Variants in CRADD observed in about 807,000 individuals in gnomAD.
The protein encoded by CRADD is CARD and death domain containing adaptor protein, also known as death domain-containing protein CRADD.
Under a neutral mutation model 15.5 loss-of-function variants are expected in CRADD, and 9 were observed. The observed-to-expected ratio is 0.58, with a 90% confidence interval of 0.35 to 1.01. CRADD has a LOEUF of 1.01. Ranked by LOEUF, CRADD falls within the 50% of genes least tolerant of loss-of-function variation. The pLI is 0.02. For missense variants in CRADD, 227 were observed against 250.3 expected (o/e 0.91, Z 0.63); for synonymous variants, 118 against 107.6 (o/e 1.10, Z -0.60).
intron 2 of CRADD, among the ~76,000 whole-genome samples, chr12:93,715,944 T>A (rs1956154834): frequency 6.6e-6 from 1 of 151,946 alleles, no homozygotes; most frequent in Admixed American, 6.6e-5. Context: ...GAGTTCGAGA[T>A]TAGCTTGGCC....
At chr12:93,819,898 A>T (rs1438123701) in intron 2 of CRADD, among the ~76,000 whole-genome samples, 1 of 152,258 alleles carries the variant, frequency 6.6e-6, no homozygotes, top group Admixed American at 6.5e-5. Context: ...TCTCTAACTC[A>T]GACCCATGTG....
intron 2 of CRADD, among the ~76,000 whole-genome samples, chr12:93,766,374 A>T (rs1957027257): frequency 6.6e-6 from 1 of 152,172 alleles, no homozygotes; most frequent in Admixed American, 6.5e-5. Flanking sequence ...TCCTTTAGTG[A>T]TGAGAATGTA....
chr12:93,755,194 A>C (rs1042799364), intron 2 of CRADD, among the ~76,000 whole-genome samples: 1 of 152,166 alleles, frequency 6.6e-6, no homozygotes, highest in African/African-American at 2.4e-5. Flanking sequence ...ACCTCCCACC[A>C]GGTCCCTCCC....
chr12:93,695,531 A>G lies in CRADD; in HGVS notation c.298+16459A>G, dbSNP rs192033554. On this transcript the variant is annotated intron_variant, in intron 2 of 2. Coordinates refer to ENST00000332896, the MANE Select transcript of CRADD (RefSeq NM_003805.5). ...TATGGAATGGGAGAAATTATTTGCA[A>G]ACCATATATATGATAAGGAATTAAT... Among the ~76,000 whole-genome samples, 3 of 152,348 alleles carry G rather than the reference A, an allele frequency of 2.0e-5. 1 individual carries two copies. The highest frequency in any genetic ancestry group is 2.0e-4 in the Admixed American group (3 of 15,308).
chr12:93,807,530 A>G (rs543832765), intron 2 of CRADD, among the ~76,000 whole-genome samples: 1 of 152,278 alleles, frequency 6.6e-6, no homozygotes, highest in South Asian at 2.1e-4. Flanking sequence ...ACCATGTGCT[A>G]GGCACTGTCC....
intron 2 of CRADD, among the ~76,000 whole-genome samples, chr12:93,810,380 C>T (rs2137006878): frequency 6.6e-6 from 1 of 151,748 alleles, no homozygotes; most frequent in East Asian, 1.9e-4. Flanking sequence ...GAAGCCCCAT[C>T]TCTACTAAAA....
intron 2 of CRADD, among the ~76,000 whole-genome samples, chr12:93,711,055 C>CCCCTTTTTT: frequency 7.1e-4 from 31 of 43,508 alleles, no homozygotes; most frequent in East Asian, 1.0e-3. Flanking sequence ...CCACCCCCGC[C>CCCCTTTTTT]TTTTTTTTTT....
chr12:93,856,986 T>C (rs1958280055), intron 2 of CRADD, among the ~76,000 whole-genome samples: 1 of 152,206 alleles, frequency 6.6e-6, no homozygotes, highest in Admixed American at 6.5e-5. Context: ...TTAGTGTTCT[T>C]ACAGGAAAAT....
At chr12:93,853,000 C>A (rs983965356), downstream of CRADD, among the ~76,000 whole-genome samples, 1 of 152,114 alleles carries the variant, frequency 6.6e-6, no homozygotes, top group Non-Finnish European at 1.5e-5. Flanking sequence ...AGAATTACCC[C>A]TACTCCCATC....
intron 2 of CRADD, among the ~76,000 whole-genome samples, chr12:93,796,911 T>G (rs1957424844): frequency 6.6e-6 from 1 of 152,186 alleles, no homozygotes; most frequent in African/African-American, 2.4e-5. Flanking sequence ...AGGCTGGATA[T>G]CACGTGGCAC....
At chr12:93,797,005 C>G (rs549140344) in intron 2 of CRADD, among the ~76,000 whole-genome samples, 1 of 152,164 alleles carries the variant, frequency 6.6e-6, no homozygotes, top group East Asian at 1.9e-4. Flanking sequence ...ACCAACCCCT[C>G]CTCTTCCTTA....
chr12:93,797,928 A>G (rs1003371595), intron 2 of CRADD, among the ~76,000 whole-genome samples: 1 of 152,198 alleles, frequency 6.6e-6, no homozygotes, highest in Non-Finnish European at 1.5e-5. Context: ...CCAGCACCCT[A>G]TTGAATCAAC....
chr12:93,759,100 T>C (rs913207642), intron 2 of CRADD, among the ~76,000 whole-genome samples: 1 of 152,216 alleles, frequency 6.6e-6, no homozygotes, highest in Non-Finnish European at 1.5e-5. Context: ...TTTGAAGTTT[T>C]GAGGACCAGC....
chr12:93,759,270 C>A (rs1956923648), intron 2 of CRADD, among the ~76,000 whole-genome samples: 1 of 151,904 alleles, frequency 6.6e-6, no homozygotes, highest in Non-Finnish European at 1.5e-5. Flanking sequence ...GGAGTGGGAA[C>A]ATAGCATGAG....
chr12:93,740,585 T>TA (rs1956650334), intron 2 of CRADD, among the ~76,000 whole-genome samples: 1 of 152,210 alleles, frequency 6.6e-6, no homozygotes, highest in Non-Finnish European at 1.5e-5. Flanking sequence ...GGAAATAAGA[T>TA]AAATTGGATT....
intron 2 of CRADD, among the ~76,000 whole-genome samples, chr12:93,734,252 A>G (rs1956524121): frequency 6.6e-6 from 1 of 152,170 alleles, no homozygotes; most frequent in Non-Finnish European, 1.5e-5. Flanking sequence ...CCTTCCCTCA[A>G]GGAGCTTACA....
intron 2 of CRADD, among the ~76,000 whole-genome samples, chr12:93,793,549 A>C (rs1373047148): frequency 1.3e-5 from 2 of 152,174 alleles, no homozygotes; most frequent in African/African-American, 2.4e-5. Context: ...ATGGAGCTGG[A>C]ATTTTCTCAG....
At chr12:93,877,368 C>T (rs1003839109) in intron 2 of CRADD, among the ~76,000 whole-genome samples, 3 of 152,212 alleles carry the variant, frequency 2.0e-5, no homozygotes, top group Non-Finnish European at 2.9e-5. Flanking sequence ...TAGGGCTCTT[C>T]GATCACTTGA....
intron 2 of CRADD, among the ~76,000 whole-genome samples, chr12:93,840,725 C>A (rs1194100188): frequency 6.6e-6 from 1 of 152,066 alleles, no homozygotes; most frequent in African/African-American, 2.4e-5. Context: ...TGCCACCACG[C>A]CTGGCTAATT....
Sources: gnomAD v4.1 joint callset for allele counts (sites outside exome capture counted in the v4.1 genomes callset) on GRCh38, gnomAD v4.1.1 for gene constraint, MANE v1.5 for transcripts, NCBI Gene and HGNC (gene_info 2026-07-23, HGNC 2026-07-21) for gene names.